PHRF1: variants seen among roughly 807,000 people sequenced by gnomAD.
PHRF1 encodes PHD and RING finger domain-containing protein 1.
Under a neutral mutation model 128.9 loss-of-function variants are expected in PHRF1, and 53 were observed. That is an observed-to-expected ratio of 0.41 (90% CI 0.33 to 0.52). The LOEUF (loss-of-function observed/expected upper bound fraction) is 0.52. Ranked by LOEUF, PHRF1 falls within the 20% of genes least tolerant of loss-of-function variation. The pLI, the probability that PHRF1 is intolerant of heterozygous loss-of-function variation, is 0.21. For missense variants in PHRF1, 2,503 were observed against 2,284.5 expected (o/e 1.10, Z -1.95); for synonymous variants, 1,178 against 980.6 (o/e 1.20, Z -3.76).
At chr11:591,501 G>A (rs1051778212) in intron 5 of PHRF1, 34 bp downstream of exon 5, 15 of 1,549,370 alleles carry the variant, frequency 9.7e-6, no homozygotes, top group South Asian at 4.7e-5. Context: ...GGCCCCAGCC[G>A]TGCTTCTATC....
At chr11:606,325 G>A (rs966871373) in intron 12 of PHRF1, 117 bp from the exon 13 acceptor site, 53 of 1,325,374 alleles carry the variant, frequency 4.0e-5, no homozygotes, top group African/African-American at 3.4e-4. Context: ...TGGGGGAGGC[G>A]CAGGCCCGGC....
At position 607,703 on chromosome 11, in the gene PHRF1, G is replaced by C. The variant is rs1004480833; in HGVS notation, c.2247G>C (p.Arg749=). 2 of 1,610,088 alleles carry C rather than the reference G, an allele frequency of 1.2e-6. No individual in the cohort carries two copies. Among genetic ancestry groups the C allele is most frequent in the African/African-American group, 2.7e-5 (2 of 74,880 alleles). The change falls in exon 14 of 18, where the codon CGG becomes CGC. Residue 749 remains arginine, a synonymous_variant. Coordinates refer to ENST00000264555, the MANE Select transcript of PHRF1 (RefSeq NM_001286581.2). Reference sequence around the variant, plus strand: ...CCGGGGTGCACACGGGCAGCTCCCGGCCCCCAGCCCCCAGCTCCCATGGCA... The same window carrying C: ...CCGGGGTGCACACGGGCAGCTCCCGCCCCCCAGCCCCCAGCTCCCATGGCA... ...REPGVHTGSS[R]PPAPSSHGSL...
Position 605,554 on chromosome 11 carries a change from T to G in PHRF1, c.1335-51T>G, listed in dbSNP as rs530738496. ...CGTGCCGTCTCCCTGGGCTGGGGTT[T>G]CTGGGAGCTGGGAGTCACTTGTTCC... On this transcript the variant is annotated intron_variant, in intron 11 of 17. Coordinates refer to ENST00000264555, the MANE Select transcript of PHRF1 (RefSeq NM_001286581.2). The G allele has an allele frequency of 4.7e-5, 75 of 1,599,116 alleles. No homozygotes were observed. The Admixed American group carries it at 1.3e-3, about 27-fold the overall frequency.
intron 6 of PHRF1, among the ~76,000 whole-genome samples, chr11:594,018 A>G (rs562366107): frequency 3.3e-5 from 5 of 152,178 alleles, no homozygotes; most frequent in South Asian, 2.1e-4. Flanking sequence ...TGCCTTGACT[A>G]TCCCAGCAGC....
intron 3 of PHRF1, among the ~76,000 whole-genome samples, chr11:586,841 G>T (rs977924641): frequency 2.6e-5 from 4 of 152,144 alleles, no homozygotes; most frequent in Non-Finnish European, 2.9e-5. Context: ...GCTTTGAGAA[G>T]GGGGCGTTGG....
At chr11:611,505 C>CT in intron 17 of PHRF1, 129 bp from the exon 18 acceptor site, 1 of 1,342,968 alleles carries the variant, frequency 7.4e-7, no homozygotes, top group South Asian at 1.4e-5. Flanking sequence ...CTGCCGCCGT[C>CT]TGTCTGCGTG....
intron 4 of PHRF1, among the ~76,000 whole-genome samples, chr11:589,071 G>A (rs570208434): frequency 2.8e-4 from 42 of 152,102 alleles, no homozygotes; most frequent in Non-Finnish European, 4.1e-4. Flanking sequence ...GGGAGTTGGA[G>A]GTTGCAGTGA....
chr11:583,199 C>T (rs925959374), intron 3 of PHRF1, among the ~76,000 whole-genome samples: 5 of 146,504 alleles, frequency 3.4e-5, no homozygotes, highest in East Asian at 2.1e-4. Context: ...ATTAGCCAGT[C>T]GTGTTGGCAC....
intron 3 of PHRF1, among the ~76,000 whole-genome samples, chr11:585,249 G>C (rs1854466905): frequency 6.6e-6 from 1 of 150,638 alleles, no homozygotes; most frequent in Non-Finnish European, 1.5e-5. Flanking sequence ...CCAGCTTGAG[G>C]TAGTAGCCCT....
chr11:610,510 C>T lies in PHRF1; in HGVS notation c.4426C>T (p.Pro1476Ser). The T allele has an allele frequency of 6.2e-7, 1 of 1,603,688 alleles. No individual in the cohort carries two copies. The highest frequency in any genetic ancestry group is 8.5e-7 in the Non-Finnish European group (1 of 1,178,518). ...GGGGTGTCCCTCCCAGGTTTACAGC[C>T]CCGGCCTGCCGCCTGCCCCGGCCCA... ...PDTDPSQVYSPGLPPAPAQPS... is the reference protein window; with the variant it reads ...PDTDPSQVYSSGLPPAPAQPS... The change falls in exon 16 of 18, where the codon CCC (proline) becomes TCC (serine). Residue 1476 changes from proline (P) to serine (S), a missense_variant. Transcript: ENST00000264555.
chr11:587,370 C>T lies in PHRF1; in HGVS notation c.326C>T (p.Pro109Leu), dbSNP rs1386865347. The change falls in exon 4 of 18, where the codon CCA becomes CTA. Residue 109 changes from proline (P) to leucine (L), a missense_variant. Coordinates refer to ENST00000264555, the MANE Select transcript of PHRF1 (RefSeq NM_001286581.2). ...FNSDDDAESC[P>L]ICLNAFRDQA... ...TCTGATGATGATGCAGAGAGCTGCCCAATCTGTCTCAACGCATTCAGAGAC... is the reference window on the plus strand; with the variant it reads ...TCTGATGATGATGCAGAGAGCTGCCTAATCTGTCTCAACGCATTCAGAGAC... 4 of 1,613,890 alleles carry T rather than the reference C, an allele frequency of 2.5e-6. No homozygotes were observed. The highest frequency in any genetic ancestry group is 8.5e-7 in the Non-Finnish European group (1 of 1,179,906).
chr11:595,619 C>G (rs1855232516), intron 6 of PHRF1, among the ~76,000 whole-genome samples: 1 of 152,210 alleles, frequency 6.6e-6, no homozygotes, highest in African/African-American at 2.4e-5. Flanking sequence ...AGCCAATCTC[C>G]TCTTCTCGGG....
intron 4 of PHRF1, among the ~76,000 whole-genome samples, chr11:588,223 G>T: frequency 6.6e-6 from 1 of 152,150 alleles, no homozygotes; most frequent in Non-Finnish European, 1.5e-5. Context: ...GCTGAAAACT[G>T]CCTGTATGCT....
chr11:606,191 G>A (rs1359218882), intron 12 of PHRF1, among the ~76,000 whole-genome samples: 3 of 152,266 alleles, frequency 2.0e-5, no homozygotes, highest in African/African-American at 7.2e-5. Context: ...AGGCACCAGA[G>A]GTGACTTCTC....
chr11:592,948 G>GC (rs1292458393), intron 6 of PHRF1, among the ~76,000 whole-genome samples: 3 of 152,248 alleles, frequency 2.0e-5, no homozygotes, highest in Admixed American at 6.5e-5. Context: ...AGGCTGTGGG[G>GC]CTGGTCAGCC....
Position 588,489 on chromosome 11 carries a change from C to G in PHRF1, c.420+1025C>G, listed in dbSNP as rs374972675. 3.2e-3 allele frequency among the ~76,000 whole-genome samples: 491 copies of G among 152,112 alleles called. 2 individuals carry two copies. Among genetic ancestry groups the G allele is most frequent in the African/African-American group, 0.011 (457 of 41,486 alleles). ...CCACCTTCCGGGTTCAAGCGATTCT[C>G]CTGCCTCAGCCTCCCGCGTAGCTGG... On this transcript the variant is annotated intron_variant, in intron 4 of 17. Coordinates refer to ENST00000264555, the MANE Select transcript of PHRF1 (RefSeq NM_001286581.2).
rs1162145881 is a variant in PHRF1 at position 606,690 on chromosome 11, T to C, written c.1609+94T>C. The stretch of plus-strand genomic sequence containing the variant: ...CAGCCCATGTCTCAGTCACGGAAGA[T>C]GTAGCTGAAGTTGGGGGGACCATTC... On this transcript the variant is annotated intron_variant, in intron 13 of 17. Transcript: ENST00000264555. The C allele has an allele frequency of 2.1e-6, 3 of 1,458,594 alleles. No homozygotes were observed. In the Admixed American group the frequency reaches 7.4e-5, roughly 36 times the overall value. The allele number at this position is 1,458,594 out of a possible 1,614,324, so 90.4% of individuals were successfully genotyped here.
chr11:605,983 C>G (rs1463813467), intron 12 of PHRF1, among the ~76,000 whole-genome samples: 1 of 152,246 alleles, frequency 6.6e-6, no homozygotes, highest in Non-Finnish European at 1.5e-5. Flanking sequence ...GCCCCCCACC[C>G]CGGCCTGAGA....
chr11:600,423 T>C (rs1197225495), intron 9 of PHRF1, among the ~76,000 whole-genome samples: 1 of 149,800 alleles, frequency 6.7e-6, no homozygotes, highest in African/African-American at 2.5e-5. Context: ...GTGGATAGCT[T>C]GAGGCCAGGA....
Sources: allele counts gnomAD v4.1 joint callset (sites outside exome capture counted in the v4.1 genomes callset), GRCh38; gene constraint gnomAD v4.1.1; transcripts MANE v1.5; gene names NCBI Gene and HGNC (gene_info 2026-07-23, HGNC 2026-07-21).